Variants in RUBCNL observed in about 807,000 individuals in gnomAD.
RUBCNL encodes the protein protein associated with UVRAG as autophagy enhancer.
In RUBCNL, 62 loss-of-function variants were observed where a neutral mutation model predicts 69.5. The observed-to-expected ratio is 0.89, with a 90% confidence interval of 0.73 to 1.10. The LOEUF is 1.10. Among genes scored for constraint, RUBCNL ranks in the 50% least tolerant of loss-of-function variants. The probability of loss-of-function intolerance (pLI) is 0.00; values close to 1 mark genes in which losing one functional copy is unlikely to be tolerated. For missense variants in RUBCNL, 768 were observed against 798.1 expected, an observed-to-expected ratio of 0.96 and a Z score of 0.45; for synonymous variants, 291 against 303.6, an observed-to-expected ratio of 0.96 and a Z score of 0.43.
In RUBCNL at chr13:46,335,242, T is replaced by TTTTTTGTTGTTGTTG. The variant is rs1555333093; in HGVS notation, c.*8142_*8143insCAACAACAACAAAAA. Among the ~76,000 whole-genome samples the TTTTTTGTTGTTGTTG allele has an allele frequency of 2.1e-5, 3 of 142,094 alleles. No homozygotes were observed. Among genetic ancestry groups the TTTTTTGTTGTTGTTG allele is most frequent in the South Asian group, 2.2e-4 (1 of 4,460 alleles). The allele number at this position is 142,094 out of a possible 152,430, so 93.2% of individuals were successfully genotyped here. ...ATTGTGCCCAGCTAATTTGTGTCTT[T>TTTTTTGTTGTTGTTG]TTGTTGTTGTTGTTGTTGTTTTTTT... On this transcript the variant is annotated 3_prime_UTR_variant, in exon 15 of 15. Coordinates refer to ENST00000429979, the MANE Select transcript of RUBCNL (RefSeq NM_025113.5).
intron 10 of RUBCNL, among the ~76,000 whole-genome samples, chr13:46,353,404 T>C (rs929261858): frequency 1.2e-4 from 18 of 152,200 alleles, no homozygotes; most frequent in African/African-American, 4.3e-4. Flanking sequence ...TTCATCAAAC[T>C]TCATTGAATA....
intron 11 of RUBCNL, 41 bp from the exon 12 acceptor site, chr13:46,349,388 T>C (rs1374324733): frequency 6.5e-7 from 1 of 1,544,492 alleles, no homozygotes; most frequent in South Asian, 1.1e-5. Flanking sequence ...TTAAATGTAA[T>C]AAATGACACG....
intron 1 of RUBCNL, among the ~76,000 whole-genome samples, chr13:46,381,942 C>T (rs952165400): frequency 2.0e-5 from 3 of 152,092 alleles, no homozygotes; most frequent in African/African-American, 7.2e-5. Context: ...GCAGCTAGGA[C>T]CACAGGTGTG....
rs1296729557 is a variant in RUBCNL, at chr13:46,334,808, A to G, written c.*8577T>C. 1.3e-5 allele frequency among the ~76,000 whole-genome samples: 2 copies of G among 152,190 alleles called. No homozygotes were observed. The highest frequency in any genetic ancestry group is 6.5e-5 in the Admixed American group (1 of 15,282). ...GAGACAGATTGTCAGCATTTTACAA[A>G]TAGGAAACCGGAGTCTTAAGAAATT... On this transcript the variant is annotated 3_prime_UTR_variant, in exon 15 of 15. Coordinates refer to ENST00000429979, the MANE Select transcript of RUBCNL (RefSeq NM_025113.5).
chr13:46,379,306 T>A (rs1400207974), intron 1 of RUBCNL, among the ~76,000 whole-genome samples: 1 of 152,042 alleles, frequency 6.6e-6, no homozygotes, highest in Non-Finnish European at 1.5e-5. Context: ...GAACTCCTGA[T>A]CTCAGGTGAT....
intron 2 of RUBCNL, 64 bp downstream of exon 2, chr13:46,377,826 C>T (rs575817360): frequency 1.1e-6 from 1 of 929,480 alleles, no homozygotes; most frequent in African/African-American, 1.7e-5. Context: ...AGATTCACAA[C>T]CATGTCTAAG....
intron 9 of RUBCNL, among the ~76,000 whole-genome samples, chr13:46,358,379 T>C (rs1233248099): frequency 6.6e-6 from 1 of 152,206 alleles, no homozygotes; most frequent in Non-Finnish European, 1.5e-5. Context: ...GTTAAAATGT[T>C]TTGTGTATAA....
chr13:46,359,974 A>G (rs767155896), intron 8 of RUBCNL, among the ~76,000 whole-genome samples: 2 of 152,294 alleles, frequency 1.3e-5, no homozygotes, highest in African/African-American at 2.4e-5. Flanking sequence ...AATGCTACCA[A>G]TCAGAACCCC....
intron 1 of RUBCNL, among the ~76,000 whole-genome samples, chr13:46,383,673 G>C (rs2049171189): frequency 6.6e-6 from 1 of 152,168 alleles, no homozygotes; most frequent in Non-Finnish European, 1.5e-5. Flanking sequence ...GATGGGGGTA[G>C]GGTGAAGACT....
chr13:46,354,874 T>C, intron 10 of RUBCNL: 1 of 456,452 alleles, frequency 2.2e-6, no homozygotes, highest in Non-Finnish European at 4.4e-6. Context: ...CTTAGGGAAA[T>C]AACAAAAAGT....
At chr13:46,351,325 C>CT (rs1463723938) in intron 10 of RUBCNL, among the ~76,000 whole-genome samples, 1 of 152,298 alleles carries the variant, frequency 6.6e-6, no homozygotes, top group Admixed American at 6.5e-5. Context: ...GTGAGATACT[C>CT]TGTTTTGACT....
In RUBCNL at chr13:46,341,595, C is replaced by T. The variant is rs768928424; in HGVS notation, c.*1790G>A. ...CACACACAGGCTCATCAGTGCCTTACAAACATACAAACCCTGAGCACAGAG... is the reference window on the plus strand; with the variant it reads ...CACACACAGGCTCATCAGTGCCTTATAAACATACAAACCCTGAGCACAGAG... On this transcript the variant is annotated 3_prime_UTR_variant, in exon 15 of 15. Coordinates refer to ENST00000429979, the MANE Select transcript of RUBCNL (RefSeq NM_025113.5). 2.0e-5 allele frequency among the ~76,000 whole-genome samples: 3 copies of T among 152,244 alleles called. No individual in the cohort carries two copies. Among genetic ancestry groups the T allele is most frequent in the Non-Finnish European group, 2.9e-5 (2 of 68,050 alleles).
rs559026883 is a variant in RUBCNL at position 46,337,445 on chromosome 13, G to A, written c.*5940C>T. On this transcript the variant is annotated 3_prime_UTR_variant, in exon 15 of 15. Transcript: ENST00000429979. ...GCTGGGATTACAAGTGTGAGCCACC[G>A]TGCCTGGTCCGCTCTCTCTCCTTTC... Among the ~76,000 whole-genome samples, 8 of 152,206 alleles carry A rather than the reference G, an allele frequency of 5.3e-5. No homozygotes were observed. Among genetic ancestry groups the A allele is most frequent in the South Asian group, 2.1e-4 (1 of 4,820 alleles).
intron 2 of RUBCNL, among the ~76,000 whole-genome samples, chr13:46,373,101 G>A (rs1358759014): frequency 6.6e-6 from 1 of 151,926 alleles, no homozygotes; most frequent in Non-Finnish European, 1.5e-5. Context: ...AGCCTCCCGA[G>A]CAGCTGGGAT....
rs1199330759 is a variant in RUBCNL at position 46,335,257 on chromosome 13, G to GTTTTTTTTTTTTTTTTTTTTT, written c.*8127_*8128insAAAAAAAAAAAAAAAAAAAAA. Among the ~76,000 whole-genome samples, 1 of 98,590 alleles carries GTTTTTTTTTTTTTTTTTTTTT rather than the reference G, an allele frequency of 1.0e-5. No homozygotes were observed. Among genetic ancestry groups the GTTTTTTTTTTTTTTTTTTTTT allele is most frequent in the African/African-American group, 4.0e-5 (1 of 25,276 alleles). 64.7% of individuals were successfully genotyped at this position (98,590 alleles called of 152,430 possible). A position where few individuals can be genotyped will look rare whatever the true frequency, so the allele number is the denominator to read the frequency against. On this transcript the variant is annotated 3_prime_UTR_variant, in exon 15 of 15. Coordinates refer to ENST00000429979, the MANE Select transcript of RUBCNL (RefSeq NM_025113.5). ...TTTGTGTCTTTTTGTTGTTGTTGTT[G>GTTTTTTTTTTTTTTTTTTTTT]TTGTTTTTTTTTTTTTTTTTTTTTT...
At position 46,350,291 on chromosome 13, in the gene RUBCNL, TG is replaced by T. The variant is rs2048343469; in HGVS notation, c.1390del (p.His464ThrfsTer13). 6.3e-7 allele frequency: 1 copy of T among 1,579,974 alleles called. No homozygotes were observed. Among genetic ancestry groups the T allele is most frequent in the South Asian group, 1.2e-5 (1 of 86,380 alleles). On this transcript the variant is annotated frameshift_variant, in exon 11 of 15. Transcript: ENST00000429979. LOFTEE classifies it high-confidence loss of function. ...AGGGATGCACGACTCTGCATATGAGTGGCAGCAGTCACAGAAATACTTCCCT... is the reference window on the plus strand; with the variant it reads ...AGGGATGCACGACTCTGCATATGAGTGCAGCAGTCACAGAAATACTTCCCT... ...YLGKYFCDCCHSYAESCIPAR... is the reference protein window; with the variant it reads ...YLGKYFCDCCXSYAESCIPAR...
At chr13:46,364,701 T>TTG (rs1270505454) in intron 5 of RUBCNL, among the ~76,000 whole-genome samples, 1 of 147,930 alleles carries the variant, frequency 6.8e-6, no homozygotes, top group Non-Finnish European at 1.5e-5. Context: ...CTACCCTTGT[T>TTG]TTTTTTTTTT....
intron 1 of RUBCNL, among the ~76,000 whole-genome samples, chr13:46,385,555 T>C (rs1021302584): frequency 6.6e-6 from 1 of 152,152 alleles, no homozygotes; most frequent in East Asian, 1.9e-4. Flanking sequence ...AGGGAAACTA[T>C]TCAAATTTGC....
rs1426531277 is a variant in RUBCNL at position 46,350,129 on chromosome 13, T to A, written c.1553A>T (p.Glu518Val). 3 of 1,568,524 alleles carry A rather than the reference T, an allele frequency of 1.9e-6. No homozygotes were observed. Among genetic ancestry groups the A allele is most frequent in the South Asian group, 1.2e-5 (1 of 85,334 alleles). Reference sequence around the variant, plus strand: ...GCGGCTCACCTTCACTCTGTCCAGCTCCTTGGCTTTCGCATACAGGCTTTG... The same window carrying A: ...GCGGCTCACCTTCACTCTGTCCAGCACCTTGGCTTTCGCATACAGGCTTTG... ...IGQSLYAKAK[E>V]LDRVKEIQEQ... The change falls in exon 11 of 15, where the codon GAG becomes GTG. Residue 518 changes from glutamate to valine, a missense_variant. Transcript: ENST00000429979.
Sources: gnomAD v4.1 joint callset for allele counts (sites outside exome capture counted in the v4.1 genomes callset) on GRCh38, gnomAD v4.1.1 for gene constraint, MANE v1.5 for transcripts, NCBI Gene and HGNC (gene_info 2026-07-23, HGNC 2026-07-21) for gene names.